ARMH3: variants seen among roughly 807,000 people sequenced by gnomAD.
The protein encoded by ARMH3 is armadillo like helical domain containing 3.
In ARMH3, 60 loss-of-function variants were observed where a neutral mutation model predicts 99.1. The ratio of observed to expected loss-of-function variants is 0.61; its 90% confidence interval spans 0.49 to 0.75. ARMH3 has a LOEUF of 0.75. Ranked by LOEUF, ARMH3 falls within the 30% of genes least tolerant of loss-of-function variation. The probability of loss-of-function intolerance (pLI) is 0.00; values close to 1 mark genes in which losing one functional copy is unlikely to be tolerated. For synonymous variants in ARMH3, 285 were observed against 292.8 expected, an observed-to-expected ratio of 0.97 and a Z score of 0.27; for missense variants, 679 against 843.1, an observed-to-expected ratio of 0.81 and a Z score of 2.41.
chr10:102,039,702 A>G (rs1248250721), intron 2 of ARMH3, among the ~76,000 whole-genome samples: 1 of 152,232 alleles, frequency 6.6e-6, no homozygotes, highest in Non-Finnish European at 1.5e-5. Flanking sequence ...AAGTTAGAGC[A>G]TAAGGAGAGC....
intron 19 of ARMH3, among the ~76,000 whole-genome samples, chr10:101,988,323 A>G (rs1017951554): frequency 6.6e-6 from 1 of 152,232 alleles, no homozygotes; most frequent in Non-Finnish European, 1.5e-5. Flanking sequence ...CGTGTTACAA[A>G]GTAAATAGCA....
At chr10:102,010,120 T>G in intron 11 of ARMH3, 97 bp from the exon 12 acceptor site, 1 of 1,143,552 alleles carries the variant, frequency 8.7e-7, no homozygotes, top group South Asian at 1.3e-5. Context: ...AACAAGCTGC[T>G]TCCACCTGGG....
intron 24 of ARMH3, among the ~76,000 whole-genome samples, chr10:101,879,024 T>TCG (rs895831474): frequency 6.6e-6 from 1 of 152,188 alleles, no homozygotes; most frequent in Non-Finnish European, 1.5e-5. Flanking sequence ...CCCAGACGCC[T>TCG]CGTCAGTGTT....
intron 21 of ARMH3, 102 bp from the exon 22 acceptor site, chr10:101,956,825 C>A: frequency 8.1e-7 from 1 of 1,228,310 alleles, no homozygotes; most frequent in Middle Eastern, 3.1e-4. Context: ...CAAGAGTTGA[C>A]TGTAAAATTT....
Position 101,847,520 on chromosome 10 carries a change from G to A in ARMH3, c.*8C>T. 1 of 1,613,282 alleles carries A rather than the reference G, an allele frequency of 6.2e-7. No homozygotes were observed. Among genetic ancestry groups the A allele is most frequent in the Non-Finnish European group, 8.5e-7 (1 of 1,179,206 alleles). On this transcript the variant is annotated 3_prime_UTR_variant, in exon 26 of 26. Transcript: ENST00000370033. ...GGGCAGTCAGAGGCTGCTCAGGTAGGCGTGGCCTCAGGAGATAGTGGAGAA... is the reference window on the plus strand; with the variant it reads ...GGGCAGTCAGAGGCTGCTCAGGTAGACGTGGCCTCAGGAGATAGTGGAGAA...
intron 1 of ARMH3, among the ~76,000 whole-genome samples, chr10:102,046,166 C>G (rs182886442): frequency 6.6e-6 from 1 of 151,890 alleles, no homozygotes; most frequent in African/African-American, 2.4e-5. Context: ...CTGTTCTAAG[C>G]ACTTTATATA....
intron 15 of ARMH3, among the ~76,000 whole-genome samples, chr10:101,998,137 A>G (rs1265874882): frequency 6.6e-6 from 1 of 152,252 alleles, no homozygotes; most frequent in Non-Finnish European, 1.5e-5. Context: ...AGAAGCTTAT[A>G]TAATCACTAA....
At chr10:101,993,760 T>G (rs1027158628) in intron 16 of ARMH3, among the ~76,000 whole-genome samples, 157 bp from the exon 17 acceptor site, 2 of 152,302 alleles carry the variant, frequency 1.3e-5, no homozygotes, top group South Asian at 4.1e-4. Context: ...CAAACCCTAC[T>G]TAAGCCATGA....
intron 19 of ARMH3, among the ~76,000 whole-genome samples, chr10:101,985,113 G>A (rs565296239): frequency 1.7e-4 from 19 of 115,010 alleles, no homozygotes; most frequent in South Asian, 2.8e-4. Context: ...ACACACACAC[G>A]TGTACATATA....
intron 24 of ARMH3, among the ~76,000 whole-genome samples, chr10:101,872,964 G>GAA (rs879419643): frequency 1.5e-5 from 2 of 133,072 alleles, no homozygotes; most frequent in Non-Finnish European, 3.3e-5. Flanking sequence ...TCCCAAAAAA[G>GAA]AAAAAAAAAA....
At chr10:101,848,553 C>G (rs1304380587) in intron 25 of ARMH3, among the ~76,000 whole-genome samples, 1 of 152,158 alleles carries the variant, frequency 6.6e-6, no homozygotes, top group African/African-American at 2.4e-5. Flanking sequence ...CCTTCAATTT[C>G]TGCTATGCTA....
At chr10:101,995,207 T>C (rs186393715) in intron 16 of ARMH3, 90 bp downstream of exon 16, 1 of 1,114,994 alleles carries the variant, frequency 9.0e-7, no homozygotes, top group Admixed American at 2.0e-5. Context: ...GGACCCTAAA[T>C]GTCATGAGAC....
At chr10:101,969,653 T>C (rs1845684287) in intron 20 of ARMH3, among the ~76,000 whole-genome samples, 1 of 152,246 alleles carries the variant, frequency 6.6e-6, no homozygotes, top group Non-Finnish European at 1.5e-5. Context: ...TCAGGCCATG[T>C]ACAATTTCTT....
chr10:101,997,983 G>A (rs922158770), intron 15 of ARMH3, among the ~76,000 whole-genome samples: 10 of 152,190 alleles, frequency 6.6e-5, no homozygotes, highest in African/African-American at 1.9e-4. Flanking sequence ...AAGCCACACA[G>A]GAGTCATTTT....
At chr10:101,970,063 C>G (rs1330407590) in intron 20 of ARMH3, among the ~76,000 whole-genome samples, 3 of 152,164 alleles carry the variant, frequency 2.0e-5, no homozygotes, top group Non-Finnish European at 4.4e-5. Context: ...TGCAGCCTGC[C>G]TCTCCAATGC....
At chr10:101,985,757 C>T (rs373067687) in intron 19 of ARMH3, among the ~76,000 whole-genome samples, 17 of 152,176 alleles carry the variant, frequency 1.1e-4, no homozygotes, top group African/African-American at 4.1e-4. Flanking sequence ...TGGCTCACTC[C>T]TGTAATCCCA....
intron 1 of ARMH3, among the ~76,000 whole-genome samples, chr10:102,049,924 T>C (rs2067654258): frequency 6.6e-6 from 1 of 152,068 alleles, no homozygotes; most frequent in Non-Finnish European, 1.5e-5. Context: ...GATAAAGCCA[T>C]TAAATCTTTC....
At chr10:101,934,219 T>A (rs1399034421) in intron 23 of ARMH3, among the ~76,000 whole-genome samples, 1 of 151,936 alleles carries the variant, frequency 6.6e-6, no homozygotes, top group Non-Finnish European at 1.5e-5. Context: ...CACTTAACCA[T>A]GTGTGTGTGT....
chr10:102,023,725 T>C lies in ARMH3; in HGVS notation c.532A>G (p.Thr178Ala), dbSNP rs776567979. ...TTGATCATTACATACTCGAGAATAG[T>C]GTTCTGGCTGATGTTATCTGTCACC... Reference protein sequence around the residue: ...VTVTDNISQNTILEYVMINSI... With the variant: ...VTVTDNISQNAILEYVMINSI... Residue 178 changes from threonine (T) to alanine (A), a missense_variant, in exon 7 of 26, where the codon ACT (threonine) becomes GCT (alanine). Thr to Ala is a moderately conservative substitution (Grantham distance 58, BLOSUM62 0). Coordinates refer to ENST00000370033, the MANE Select transcript of ARMH3 (RefSeq NM_024541.3). 1.2e-6 allele frequency: 2 copies of C among 1,614,170 alleles called. No individual in the cohort carries two copies. Among genetic ancestry groups the C allele is most frequent in the Non-Finnish European group, 8.5e-7 (1 of 1,180,008 alleles).
Sources: gnomAD v4.1 joint callset for allele counts (sites outside exome capture counted in the v4.1 genomes callset) on GRCh38, gnomAD v4.1.1 for gene constraint, MANE v1.5 for transcripts, NCBI Gene and HGNC (gene_info 2026-07-23, HGNC 2026-07-21) for gene names.